COL5A2: variants seen among roughly 807,000 people sequenced by gnomAD.
COL5A2 encodes the protein collagen type V alpha 2 chain, also known as collagen alpha-2(V) chain.
In COL5A2, 23 loss-of-function variants were observed where a neutral mutation model predicts 208.2. The observed-to-expected ratio is 0.11, with a 90% CI of 0.08 to 0.16. The LOEUF is 0.16. COL5A2 is among the 10% of genes least tolerant of loss of function. COL5A2 has a pLI of 1.00. For missense variants in COL5A2, 1,590 were observed against 1,956.4 expected (o/e 0.81, Z 3.53); for synonymous variants, 625 against 628.5 (o/e 0.99, Z 0.08).
At chr2:189,184,191 T>G (rs1688818251), upstream of COL5A2, among the ~76,000 whole-genome samples, 2 of 151,976 alleles carry the variant, frequency 1.3e-5, no homozygotes, top group South Asian at 4.1e-4. Context: ...CAGGAGTTGG[T>G]GGCAGAAGGG....
At chr2:189,165,891 G>C (rs568215975) in intron 1 of COL5A2, among the ~76,000 whole-genome samples, 1 of 152,312 alleles carries the variant, frequency 6.6e-6, no homozygotes, top group East Asian at 1.9e-4. Context: ...TGTAGGCCTA[G>C]TTGACGGAAT....
the COL5A2 span, among the ~76,000 whole-genome samples, chr2:189,266,339 T>C: frequency 2.6e-5 from 4 of 151,960 alleles, no homozygotes; most frequent in African/African-American, 9.7e-5. Context: ...GGCAGGAGAA[T>C]TGCCTGAACC....
upstream of COL5A2, among the ~76,000 whole-genome samples, chr2:189,184,092 A>G (rs1688816821): frequency 6.6e-6 from 1 of 152,222 alleles, no homozygotes; most frequent in African/African-American, 2.4e-5. Flanking sequence ...AAAAACAGCA[A>G]TAAACAAGTA....
At chr2:189,348,481 AG>A in the COL5A2 span, among the ~76,000 whole-genome samples, 2 of 152,212 alleles carry the variant, frequency 1.3e-5, no homozygotes, top group East Asian at 3.8e-4. Context: ...TTATGAAATA[AG>A]ATGAACAAAA....
chr2:189,365,319 A>G, the COL5A2 span, among the ~76,000 whole-genome samples: 1 of 152,186 alleles, frequency 6.6e-6, no homozygotes, highest in African/African-American at 2.4e-5. Context: ...ATATTTTTGC[A>G]TGTTGAAATT....
chr2:189,218,609 A>T (rs1253350055), intron 1 of COL5A2, among the ~76,000 whole-genome samples: 1 of 152,186 alleles, frequency 6.6e-6, no homozygotes, highest in African/African-American at 2.4e-5. Flanking sequence ...GCTGGAATTT[A>T]TATATTAATA....
intron 18 of COL5A2, among the ~76,000 whole-genome samples, chr2:189,069,776 T>A (rs185500829): frequency 6.6e-6 from 1 of 152,290 alleles, no homozygotes; most frequent in African/African-American, 2.4e-5. Context: ...ATATAACAAA[T>A]CATATTTCAG....
chr2:189,273,054 A>G, the COL5A2 span, among the ~76,000 whole-genome samples: 1 of 152,174 alleles, frequency 6.6e-6, no homozygotes, highest in Admixed American at 6.6e-5. Flanking sequence ...TTCAAACTAG[A>G]TAGATCAAAA....
intron 8 of COL5A2, 111 bp from the exon 9 acceptor site, chr2:189,086,881 G>A (rs992943466): frequency 1.1e-5 from 10 of 885,614 alleles, no homozygotes; most frequent in East Asian, 2.6e-5. Flanking sequence ...TTTGACAAAG[G>A]GGGATGATGA....
the COL5A2 span, among the ~76,000 whole-genome samples, chr2:189,337,131 T>G: frequency 0.28 from 42,630 of 151,754 alleles, 6,202 homozygotes; most frequent in African/African-American, 0.34. Flanking sequence ...TACACATTCA[T>G]TAATACTCCT....
chr2:189,182,267 T>C (rs958058344), upstream of COL5A2, among the ~76,000 whole-genome samples: 1 of 152,300 alleles, frequency 6.6e-6, no homozygotes, highest in Non-Finnish European at 1.5e-5. Context: ...ATCCTAACAG[T>C]GTATGTTTTG....
At chr2:189,237,257 A>T in the COL5A2 span, among the ~76,000 whole-genome samples, 2 of 151,354 alleles carry the variant, frequency 1.3e-5, no homozygotes, top group African/African-American at 2.4e-5. Flanking sequence ...TATATGCTTT[A>T]TTTGTTAGTA....
chr2:189,326,413 G>A, the COL5A2 span, among the ~76,000 whole-genome samples: 1 of 152,148 alleles, frequency 6.6e-6, no homozygotes, highest in South Asian at 2.1e-4. Flanking sequence ...AGGTTATTTA[G>A]GTCAGGTGTA....
At chr2:189,175,327 G>GT (rs1688654789) in intron 1 of COL5A2, among the ~76,000 whole-genome samples, 1 of 151,836 alleles carries the variant, frequency 6.6e-6, no homozygotes, top group South Asian at 2.1e-4. Flanking sequence ...CACAGTTTTT[G>GT]TTTTCCATCC....
At chr2:189,150,486 AT>A (rs1401906539) in intron 1 of COL5A2, among the ~76,000 whole-genome samples, 1 of 152,136 alleles carries the variant, frequency 6.6e-6, no homozygotes, top group African/African-American at 2.4e-5. Flanking sequence ...TTTTATGTAA[AT>A]TTTAGTTTTT....
At chr2:189,247,054 A>G in the COL5A2 span, among the ~76,000 whole-genome samples, 1 of 151,842 alleles carries the variant, frequency 6.6e-6, no homozygotes, top group African/African-American at 2.4e-5. Context: ...AAAAAGCAAG[A>G]TTGAGATGGA....
intron 1 of COL5A2, among the ~76,000 whole-genome samples, chr2:189,177,441 A>G (rs150815317): frequency 3.9e-5 from 6 of 152,362 alleles, no homozygotes; most frequent in East Asian, 1.9e-4. Flanking sequence ...TAAGTACAAT[A>G]TAAGTTAAGC....
the COL5A2 span, among the ~76,000 whole-genome samples, chr2:189,383,671 T>C: frequency 6.6e-6 from 1 of 152,180 alleles, no homozygotes; most frequent in Non-Finnish European, 1.5e-5. Context: ...CATGTGAGTT[T>C]TTAATAATAA....
intron 8 of COL5A2, among the ~76,000 whole-genome samples, chr2:189,087,206 C>A (rs532259747): frequency 6.6e-6 from 1 of 152,120 alleles, no homozygotes; most frequent in African/African-American, 2.4e-5. Context: ...GAAACATCAA[C>A]AATAATGACT....
Sources: gnomAD v4.1 joint callset for allele counts (sites outside exome capture counted in the v4.1 genomes callset) on GRCh38, gnomAD v4.1.1 for gene constraint, MANE v1.5 for transcripts, NCBI Gene and HGNC (gene_info 2026-07-23, HGNC 2026-07-21) for gene names.